ALK: variants seen among roughly 807,000 people sequenced by gnomAD.
The protein encoded by ALK is ALK tyrosine kinase receptor.
A neutral mutation model predicts 163.1 loss-of-function variants in ALK; 74 were observed. The ratio of observed to expected loss-of-function variants is 0.45; its 90% confidence interval spans 0.38 to 0.55. ALK has a LOEUF of 0.55. ALK is among the 20% of genes least tolerant of loss of function. The pLI is 0.00. For synonymous variants in ALK, 960 were observed against 843.2 expected, an observed-to-expected ratio of 1.14 and a Z score of -2.40; for missense variants, 2,063 against 2,105.3, an observed-to-expected ratio of 0.98 and a Z score of 0.39.
chr2:29,732,944 C>A (rs1679786558), intron 1 of ALK, among the ~76,000 whole-genome samples: 1 of 151,380 alleles, frequency 6.6e-6, no homozygotes, highest in Non-Finnish European at 1.5e-5. Flanking sequence ...AGGGAGACCC[C>A]AAAGATAAAG....
At chr2:29,437,041 T>C (rs1296787560) in intron 4 of ALK, among the ~76,000 whole-genome samples, 1 of 152,110 alleles carries the variant, frequency 6.6e-6, no homozygotes, top group East Asian at 1.9e-4. Context: ...TCAAATGGTG[T>C]TGGTGTTTTC....
intron 4 of ALK, among the ~76,000 whole-genome samples, chr2:29,396,259 G>A (rs1447667598): frequency 6.6e-6 from 1 of 152,172 alleles, no homozygotes; most frequent in Non-Finnish European, 1.5e-5. Context: ...AGGGGTCTGA[G>A]CCTTGGAAAT....
intron 11 of ALK, among the ~76,000 whole-genome samples, chr2:29,267,284 C>T (rs1665246541): frequency 6.6e-6 from 1 of 152,148 alleles, no homozygotes; most frequent in Non-Finnish European, 1.5e-5. Context: ...TCAGATGAGA[C>T]CCCAGTCCTG....
At chr2:29,443,014 G>C (rs528703777) in intron 4 of ALK, among the ~76,000 whole-genome samples, 4 of 152,340 alleles carry the variant, frequency 2.6e-5, no homozygotes, top group African/African-American at 9.6e-5. Context: ...CACGTCCTGT[G>C]TGTCCTGCTC....
At chr2:29,909,480 CAGAGAGAGAGAG>C (rs369360033) in intron 1 of ALK, among the ~76,000 whole-genome samples, 46 of 135,980 alleles carry the variant, frequency 3.4e-4, no homozygotes, top group East Asian at 6.8e-4. Flanking sequence ...GACAGACAGA[CAGAGAGAGAGAG>C]AGAGAGAGAG....
chr2:29,788,223 G>A (rs559606773), intron 1 of ALK, among the ~76,000 whole-genome samples: 5 of 152,198 alleles, frequency 3.3e-5, no homozygotes, highest in Non-Finnish European at 5.9e-5. Flanking sequence ...TGAGTGCTTC[G>A]TGAGGTGGGT....
At chr2:29,637,737 G>C (rs1483132164) in intron 3 of ALK, among the ~76,000 whole-genome samples, 1 of 142,878 alleles carries the variant, frequency 7.0e-6, no homozygotes, top group South Asian at 2.2e-4. Context: ...ACTCTTTGTG[G>C]TGCTGGGAAT....
chr2:29,207,081 A>C, intron 26 of ALK, 90 bp downstream of exon 26: 1 of 991,572 alleles, frequency 1.0e-6, no homozygotes. Context: ...CTACTAACAC[A>C]CGGGCTCCCG....
At chr2:29,523,588 C>T (rs946710652) in intron 4 of ALK, among the ~76,000 whole-genome samples, 2 of 152,228 alleles carry the variant, frequency 1.3e-5, no homozygotes, top group Non-Finnish European at 2.9e-5. Context: ...AACAGTGAGG[C>T]TCAGTAAACA....
At chr2:29,608,408 G>A (rs934730540) in intron 3 of ALK, among the ~76,000 whole-genome samples, 1 of 152,220 alleles carries the variant, frequency 6.6e-6, no homozygotes, top group Non-Finnish European at 1.5e-5. Flanking sequence ...ACAGAGGTGT[G>A]AGTTGTCTGA....
intron 1 of ALK, among the ~76,000 whole-genome samples, chr2:29,776,407 C>A (rs1162378735): frequency 2.2e-4 from 5 of 23,090 alleles, no homozygotes; most frequent in African/African-American, 2.8e-4. Context: ...CAGCGTTGAG[C>A]AAGAAACAGT....
At chr2:29,912,521 A>C (rs754330546) in intron 1 of ALK, among the ~76,000 whole-genome samples, 1 of 152,112 alleles carries the variant, frequency 6.6e-6, no homozygotes, top group Non-Finnish European at 1.5e-5. Context: ...TCTTATTCTA[A>C]TGGAAATGCA....
chr2:29,596,763 C>T (rs556889994), intron 3 of ALK, among the ~76,000 whole-genome samples: 1 of 152,268 alleles, frequency 6.6e-6, no homozygotes, highest in African/African-American at 2.4e-5. Flanking sequence ...GCTCTGGCCA[C>T]TTGAGAATTC....
intron 3 of ALK, among the ~76,000 whole-genome samples, chr2:29,677,280 C>A (rs1471689070): frequency 7.1e-6 from 1 of 141,574 alleles, no homozygotes; most frequent in East Asian, 2.2e-4. Flanking sequence ...CCTCCCATCC[C>A]CTCCCCTTCC....
intron 1 of ALK, among the ~76,000 whole-genome samples, chr2:29,895,003 T>C (rs754630111): frequency 6.6e-6 from 1 of 152,178 alleles, no homozygotes; most frequent in South Asian, 2.1e-4. Flanking sequence ...AACCTCCATA[T>C]GTCAAGTCAT....
At chr2:29,546,664 A>C (rs1274796872) in intron 3 of ALK, among the ~76,000 whole-genome samples, 2 of 152,204 alleles carry the variant, frequency 1.3e-5, no homozygotes, top group Non-Finnish European at 2.9e-5. Context: ...CGGATTGTTC[A>C]ATTTTTGCTT....
intron 1 of ALK, among the ~76,000 whole-genome samples, chr2:29,856,849 TAGAC>T (rs1024607380): frequency 2.6e-5 from 4 of 152,200 alleles, no homozygotes; most frequent in African/African-American, 7.2e-5. Flanking sequence ...GTTCCTGAGT[TAGAC>T]AGGGCGCTGA....
chr2:29,237,054 C>G (rs939358247), intron 13 of ALK, among the ~76,000 whole-genome samples: 1 of 152,204 alleles, frequency 6.6e-6, no homozygotes, highest in African/African-American at 2.4e-5. Context: ...CTTCCAGTGG[C>G]TCAGGCACAA....
In ALK at chr2:29,318,326, G is replaced by C. The variant is rs372456536; in HGVS notation, c.1625C>G (p.Pro542Arg). Residue 542 changes from proline to arginine, a missense_variant, in exon 8 of 29, where the codon CCG becomes CGG. Pro to Arg is a moderately radical substitution (Grantham distance 103). Transcript: ENST00000389048. Reference sequence around the variant, plus strand: ...TGCCTCACATGGAGAGCTCTTGATCGGTGCAGGAAACGTAGCACTGGTCAC... The same window carrying C: ...TGCCTCACATGGAGAGCTCTTGATCCGTGCAGGAAACGTAGCACTGGTCAC... ...ATVTSATFPA[P>R]IKSSPCELRM... 2 of 1,613,594 alleles carry C rather than the reference G, an allele frequency of 1.2e-6. No homozygotes were observed. Among genetic ancestry groups the C allele is most frequent in the Middle Eastern group, 1.6e-4 (1 of 6,062 alleles).
Sources: allele counts gnomAD v4.1 joint callset (sites outside exome capture counted in the v4.1 genomes callset), GRCh38; gene constraint gnomAD v4.1.1; transcripts MANE v1.5; gene names NCBI Gene and HGNC (gene_info 2026-07-23, HGNC 2026-07-21).